The following LRP1B variants were observed in gnomAD, a reference collection of about 807,000 sequenced individuals.
LRP1B encodes low-density lipoprotein receptor-related protein 1B.
Under a neutral mutation model 556.6 loss-of-function variants are expected in LRP1B, and 217 were observed. The observed-to-expected ratio is 0.39, with a 90% CI of 0.35 to 0.44. The LOEUF (loss-of-function observed/expected upper bound fraction) is 0.44, where lower values mean the gene tolerates loss of function less well. LRP1B is among the 20% of genes least tolerant of loss of function. LRP1B has a pLI of 1.00. For missense variants in LRP1B, 5,053 were observed against 5,620.8 expected (o/e 0.90, Z 3.23); for synonymous variants, 2,047 against 1,865.8 (o/e 1.10, Z -2.50).
At chr2:140,461,238 T>C (rs980110398) in intron 60 of LRP1B, among the ~76,000 whole-genome samples, 1 of 152,120 alleles carries the variant, frequency 6.6e-6, no homozygotes, top group African/African-American at 2.4e-5. Context: ...TTCTGGGTAA[T>C]ATCATTCTAA....
intron 2 of LRP1B, among the ~76,000 whole-genome samples, chr2:141,505,877 A>G (rs1683911336): frequency 1.3e-5 from 2 of 152,052 alleles, no homozygotes; most frequent in African/African-American, 2.4e-5. Context: ...TGGACATCTT[A>G]TCAGCTTCAG....
At chr2:141,205,972 A>G (rs1167757561) in intron 6 of LRP1B, among the ~76,000 whole-genome samples, 1 of 152,212 alleles carries the variant, frequency 6.6e-6, no homozygotes. Context: ...TTCTGAAATC[A>G]CTTGAGAGGA....
chr2:140,703,387 TTCAC>T (rs1179198865), intron 37 of LRP1B, among the ~76,000 whole-genome samples: 2 of 152,146 alleles, frequency 1.3e-5, no homozygotes, highest in East Asian at 1.9e-4. Context: ...ATCCATGTAT[TTCAC>T]TCATTCATTC....
intron 41 of LRP1B, among the ~76,000 whole-genome samples, chr2:140,697,404 A>G (rs1686469283): frequency 1.3e-5 from 2 of 151,958 alleles, no homozygotes; most frequent in African/African-American, 4.8e-5. Flanking sequence ...ATACTCTATT[A>G]TATGAATATA....
intron 1 of LRP1B, among the ~76,000 whole-genome samples, chr2:142,056,669 A>C (rs1704683880): frequency 6.6e-6 from 1 of 152,142 alleles, no homozygotes; most frequent in Non-Finnish European, 1.5e-5. Context: ...TGATAGAATC[A>C]AATTTACAAA....
intron 41 of LRP1B, among the ~76,000 whole-genome samples, chr2:140,687,971 G>A (rs1320204691): frequency 1.3e-5 from 2 of 151,978 alleles, no homozygotes; most frequent in Admixed American, 6.6e-5. Flanking sequence ...GATTTCATCT[G>A]CTCACTTCCT....
chr2:141,689,145 C>T (rs1438297476), intron 2 of LRP1B, among the ~76,000 whole-genome samples: 1 of 151,824 alleles, frequency 6.6e-6, no homozygotes, highest in Non-Finnish European at 1.5e-5. Flanking sequence ...ATCGTTTTCC[C>T]TTTGTCTTTG....
intron 1 of LRP1B, among the ~76,000 whole-genome samples, chr2:141,870,688 C>A (rs1389975822): frequency 6.6e-6 from 1 of 151,870 alleles, no homozygotes; most frequent in Non-Finnish European, 1.5e-5. Context: ...ACAAATCCAA[C>A]TTTTCTTATA....
intron 43 of LRP1B, among the ~76,000 whole-genome samples, chr2:140,546,388 C>A (rs1680340525): frequency 6.6e-6 from 1 of 151,990 alleles, no homozygotes; most frequent in African/African-American, 2.4e-5. Flanking sequence ...TAAAGACATA[C>A]CTGAGACTGG....
At chr2:141,421,898 G>C (rs921220660) in intron 3 of LRP1B, among the ~76,000 whole-genome samples, 3 of 152,106 alleles carry the variant, frequency 2.0e-5, no homozygotes, top group Non-Finnish European at 4.4e-5. Flanking sequence ...TTTCCCAATT[G>C]AATGTAATGT....
At chr2:141,449,647 A>G (rs1369280088) in intron 3 of LRP1B, among the ~76,000 whole-genome samples, 2 of 152,182 alleles carry the variant, frequency 1.3e-5, no homozygotes, top group Admixed American at 6.5e-5. Flanking sequence ...GTTAATTTAA[A>G]TAAATAGATC....
intron 41 of LRP1B, among the ~76,000 whole-genome samples, chr2:140,664,839 A>T (rs1159060573): frequency 2.0e-5 from 3 of 152,086 alleles, no homozygotes; most frequent in Non-Finnish European, 4.4e-5. Flanking sequence ...AAACAGAAAA[A>T]CATTATAAAA....
intron 2 of LRP1B, among the ~76,000 whole-genome samples, chr2:141,583,686 A>C (rs1447159703): frequency 6.6e-6 from 1 of 151,822 alleles, no homozygotes; most frequent in African/African-American, 2.4e-5. Flanking sequence ...TATTCACTCA[A>C]TATATCATTG....
intron 1 of LRP1B, among the ~76,000 whole-genome samples, chr2:142,086,067 A>T (rs1038531080): frequency 3.3e-5 from 5 of 152,222 alleles, no homozygotes; most frequent in Non-Finnish European, 7.3e-5. Flanking sequence ...TAAAGAAATA[A>T]AAAGTTGCAT....
chr2:141,698,000 G>A (rs1044312645), intron 2 of LRP1B, among the ~76,000 whole-genome samples: 9 of 151,846 alleles, frequency 5.9e-5, no homozygotes, highest in Admixed American at 2.0e-4. Context: ...TATTAAATAC[G>A]GTGAGGAGGT....
At chr2:140,489,647 C>T (rs977341083) in intron 57 of LRP1B, among the ~76,000 whole-genome samples, 1 of 152,014 alleles carries the variant, frequency 6.6e-6, no homozygotes, top group Non-Finnish European at 1.5e-5. Flanking sequence ...TAGTAGTTTA[C>T]AATATCCCTT....
At chr2:141,413,488 T>C (rs921520296) in intron 3 of LRP1B, among the ~76,000 whole-genome samples, 1 of 152,170 alleles carries the variant, frequency 6.6e-6, no homozygotes, top group Non-Finnish European at 1.5e-5. Context: ...CAGAAAGGAA[T>C]GCAGCCCGGC....
At chr2:141,894,208 C>G (rs552048174) in intron 1 of LRP1B, among the ~76,000 whole-genome samples, 1 of 152,054 alleles carries the variant, frequency 6.6e-6, no homozygotes, top group African/African-American at 2.4e-5. Flanking sequence ...GAAGGCAATT[C>G]GTTAACAGAT....
chr2:141,480,384 A>T lies in LRP1B; in HGVS notation c.343+12T>A, dbSNP rs775171984. ...TAATATTTCAGTTGCATTGTTCCAC[A>T]AATGGACTCACCCTGACAATGTACT... On this transcript the variant is annotated intron_variant, in intron 3 of 90. Coordinates refer to ENST00000389484, the MANE Select transcript of LRP1B (RefSeq NM_018557.3). 1.2e-6 allele frequency: 2 copies of T among 1,613,806 alleles called. No homozygotes were observed.
Sources: allele counts gnomAD v4.1 joint callset (sites outside exome capture counted in the v4.1 genomes callset), GRCh38; gene constraint gnomAD v4.1.1; transcripts MANE v1.5; gene names NCBI Gene and HGNC (gene_info 2026-07-23, HGNC 2026-07-21).